ROBO2: variants seen among roughly 807,000 people sequenced by gnomAD.
ROBO2 encodes the protein roundabout guidance receptor 2, also known as roundabout homolog 2.
ROBO2 carries 53 observed loss-of-function variants against 160.8 expected under a neutral mutation model. The observed-to-expected ratio is 0.33, with a 90% CI of 0.26 to 0.41. ROBO2 has a LOEUF of 0.41. Ranked by LOEUF, ROBO2 falls within the 10% of genes least tolerant of loss-of-function variation. The probability of loss-of-function intolerance (pLI) is 1.00; values close to 1 mark genes in which losing one functional copy is unlikely to be tolerated. For synonymous variants in ROBO2, 664 were observed against 611.7 expected, an observed-to-expected ratio of 1.09 and a Z score of -1.26; for missense variants, 1,577 against 1,722.4, an observed-to-expected ratio of 0.92 and a Z score of 1.49.
chr3:77,410,564 T>TTCTTCCTCCTCCTCTTCCTCCTCCTCC (rs2076644109), intron 2 of ROBO2, among the ~76,000 whole-genome samples: 1 of 83,882 alleles, frequency 1.2e-5, no homozygotes, highest in Non-Finnish European at 2.6e-5. Context: ...CTTCCTCCTC[T>TTCTTCCTCCTCCTCTTCCTCCTCCTCC]TCTTCCTCCT....
At chr3:76,965,926 T>TC (rs890764493) in intron 2 of ROBO2, among the ~76,000 whole-genome samples, 9 of 144,994 alleles carry the variant, frequency 6.2e-5, no homozygotes, top group African/African-American at 2.3e-4. Context: ...ATTTTCTTTT[T>TC]TTTTTTTTTT....
intron 2 of ROBO2, among the ~76,000 whole-genome samples, chr3:77,205,161 G>A (rs763692843): frequency 2.6e-5 from 4 of 152,196 alleles, no homozygotes; most frequent in Non-Finnish European, 5.9e-5. Flanking sequence ...CACCAGGGCA[G>A]AGGGCTAGTG....
At chr3:77,066,573 C>G (rs563286086) in intron 1 of ROBO2, among the ~76,000 whole-genome samples, 1 of 152,084 alleles carries the variant, frequency 6.6e-6, no homozygotes, top group Non-Finnish European at 1.5e-5. Context: ...AATCATATAA[C>G]AATGTGAGTA....
At chr3:76,937,469 G>A (rs1284632506) in intron 2 of ROBO2, among the ~76,000 whole-genome samples, 1 of 151,624 alleles carries the variant, frequency 6.6e-6, no homozygotes, top group Non-Finnish European at 1.5e-5. Flanking sequence ...TTTGTATTTT[G>A]TTATTTGTTT....
chr3:77,122,745 A>G lies in ROBO2; in HGVS notation c.388+24405A>G, dbSNP rs567995220. The stretch of plus-strand genomic sequence containing the variant: ...GTGGTGTTGTGGTAATATTGTGAGC[A>G]CTGAAGTATTAAAACAGTTTTGTCT... On this transcript the variant is annotated intron_variant, in intron 2 of 25. Transcript: ENST00000461745. 3.9e-5 allele frequency among the ~76,000 whole-genome samples: 6 copies of G among 152,340 alleles called. No individual in the cohort carries two copies. In the South Asian group the frequency reaches 1.2e-3, roughly 32 times the overall value.
In ROBO2 at chr3:76,122,487, T is replaced by A. The variant is rs532552017; in HGVS notation, c.109+184885T>A. ...TTTGTTGTTATGAATATTTGCAGAA[T>A]GATAGAAAGATGCATTTTTTGAATT... On this transcript the variant is annotated intron_variant, in intron 2 of 26. Coordinates refer to the ROBO2 transcript ENST00000487694. Among the ~76,000 whole-genome samples, 7 of 152,256 alleles carry A rather than the reference T, an allele frequency of 4.6e-5. No individual in the cohort carries two copies. The South Asian group carries it at 1.0e-3, about 23-fold the overall frequency.
chr3:76,981,704 G>T (rs1412126544), intron 2 of ROBO2, among the ~76,000 whole-genome samples: 1 of 152,058 alleles, frequency 6.6e-6, no homozygotes, highest in Non-Finnish European at 1.5e-5. Context: ...GGTTTAATTG[G>T]CTCACTATTC....
chr3:76,158,897 C>T (rs762605233), intron 2 of ROBO2, among the ~76,000 whole-genome samples: 1 of 152,054 alleles, frequency 6.6e-6, no homozygotes. Context: ...TATAGTGTTA[C>T]AGATTGTTTA....
intron 1 of ROBO2, among the ~76,000 whole-genome samples, chr3:75,936,990 C>G (rs1947811932): frequency 2.0e-5 from 3 of 151,940 alleles, no homozygotes; most frequent in Non-Finnish European, 4.4e-5. Context: ...CAGTTAATTA[C>G]TGACATAATT....
intron 2 of ROBO2, among the ~76,000 whole-genome samples, chr3:77,297,125 A>G (rs2062218914): frequency 6.6e-6 from 1 of 152,090 alleles, no homozygotes. Context: ...ATCAGTCTTC[A>G]ATTCTGGGTC....
At chr3:76,355,721 G>A (rs2075122686) in intron 2 of ROBO2, among the ~76,000 whole-genome samples, 1 of 151,756 alleles carries the variant, frequency 6.6e-6, no homozygotes, top group Non-Finnish European at 1.5e-5. Context: ...TATAAAGAAA[G>A]TATCTAGCAT....
At chr3:76,008,375 A>G (rs183500133) in intron 2 of ROBO2, among the ~76,000 whole-genome samples, 2 of 152,250 alleles carry the variant, frequency 1.3e-5, no homozygotes, top group African/African-American at 2.4e-5. Context: ...AAGCACAGTG[A>G]TCTGGATGAT....
At chr3:76,198,221 G>A in intron 2 of ROBO2, among the ~76,000 whole-genome samples, 1 of 151,592 alleles carries the variant, frequency 6.6e-6, no homozygotes, top group Non-Finnish European at 1.5e-5. Flanking sequence ...AGAACATGGT[G>A]GGAAAGGGAG....
At chr3:76,367,372 A>G (rs925659818) in intron 2 of ROBO2, among the ~76,000 whole-genome samples, 6 of 151,954 alleles carry the variant, frequency 3.9e-5, no homozygotes, top group African/African-American at 1.4e-4. Context: ...GAAAATGAAG[A>G]TACAGACTCT....
At chr3:76,771,583 ATAT>A (rs1264017919) in intron 2 of ROBO2, among the ~76,000 whole-genome samples, 1 of 151,314 alleles carries the variant, frequency 6.6e-6, no homozygotes, top group African/African-American at 2.4e-5. Flanking sequence ...CCCAAACCAT[ATAT>A]TTAAGTCAAA....
chr3:76,742,504 A>G (rs1308478778), intron 2 of ROBO2, among the ~76,000 whole-genome samples: 1 of 152,180 alleles, frequency 6.6e-6, no homozygotes, highest in Non-Finnish European at 1.5e-5. Flanking sequence ...AGCATTTTTC[A>G]TATTCCATTT....
chr3:76,693,972 A>T (rs1010159500), intron 2 of ROBO2, among the ~76,000 whole-genome samples: 1 of 152,226 alleles, frequency 6.6e-6, no homozygotes, highest in African/African-American at 2.4e-5. Context: ...TTTACCAGCC[A>T]TCTGGCTAAC....
intron 2 of ROBO2, among the ~76,000 whole-genome samples, chr3:76,678,451 G>A (rs962752641): frequency 6.6e-6 from 1 of 151,928 alleles, no homozygotes; most frequent in African/African-American, 2.4e-5. Context: ...TGACAGATGG[G>A]GCATTGTGGA....
At chr3:76,751,013 G>C (rs2093976531) in intron 2 of ROBO2, among the ~76,000 whole-genome samples, 1 of 152,056 alleles carries the variant, frequency 6.6e-6, no homozygotes, top group Non-Finnish European at 1.5e-5. Context: ...AAAGAACAAA[G>C]CTGGAGGCAT....
Sources: gnomAD v4.1 joint callset for allele counts (sites outside exome capture counted in the v4.1 genomes callset) on GRCh38, gnomAD v4.1.1 for gene constraint, MANE v1.5 for transcripts, NCBI Gene and HGNC (gene_info 2026-07-23, HGNC 2026-07-21) for gene names.